STON2: variants seen among roughly 807,000 people sequenced by gnomAD.
STON2 encodes stonin 2, also known as stonin-2.
STON2 carries 29 observed loss-of-function variants against 65.7 expected under a neutral mutation model. That is an observed-to-expected ratio of 0.44 (90% CI 0.33 to 0.60). The LOEUF (loss-of-function observed/expected upper bound fraction) is 0.60, where lower values mean the gene tolerates loss of function less well. Among genes scored for constraint, STON2 ranks in the 20% least tolerant of loss-of-function variants. The pLI is 0.03. For synonymous variants in STON2, 404 were observed against 414.2 expected (o/e 0.98, Z 0.30); for missense variants, 1,054 against 1,118.1 (o/e 0.94, Z 0.82).
intron 5 of STON2, among the ~76,000 whole-genome samples, chr14:81,279,887 T>C (rs999166913): frequency 2.5e-4 from 38 of 152,306 alleles, no homozygotes; most frequent in African/African-American, 8.9e-4. Context: ...TTAGTAATTC[T>C]ACCCTAAGAA....
intron 4 of STON2, among the ~76,000 whole-genome samples, chr14:81,329,242 T>C (rs1218859489): frequency 6.6e-6 from 1 of 151,256 alleles, no homozygotes; most frequent in Non-Finnish European, 1.5e-5. Context: ...GATCACGAGG[T>C]CGGGAGATAG....
intron 1 of STON2, 21 bp from the exon 2 acceptor site, chr14:81,398,601 C>T: frequency 2.1e-6 from 1 of 472,562 alleles, no homozygotes; most frequent in Non-Finnish European, 3.7e-6. Flanking sequence ...AACAAACAAA[C>T]AAAAAATTAA....
intron 5 of STON2, among the ~76,000 whole-genome samples, chr14:81,280,936 G>C (rs1895087807): frequency 6.6e-6 from 1 of 151,580 alleles, no homozygotes; most frequent in Non-Finnish European, 1.5e-5. Flanking sequence ...GCTTGAACCT[G>C]GGAGACAGAG....
intron 4 of STON2, among the ~76,000 whole-genome samples, chr14:81,327,439 T>C (rs1897040718): frequency 6.6e-6 from 1 of 152,194 alleles, no homozygotes; most frequent in Non-Finnish European, 1.5e-5. Context: ...TTGGAATTTA[T>C]AGTTAGATTT....
intron 3 of STON2, among the ~76,000 whole-genome samples, chr14:81,373,853 GAATT>G (rs748835548): frequency 6.6e-6 from 1 of 152,034 alleles, no homozygotes; most frequent in African/African-American, 2.4e-5. Flanking sequence ...TATCTCCTGA[GAATT>G]AATAACCACA....
chr14:81,315,167 C>T (rs1301389972), intron 5 of STON2, among the ~76,000 whole-genome samples: 1 of 152,214 alleles, frequency 6.6e-6, no homozygotes, highest in African/African-American at 2.4e-5. Flanking sequence ...AGAGTTTTTA[C>T]TATCACTCTA....
upstream of STON2, among the ~76,000 whole-genome samples, chr14:81,403,666 C>T (rs144814926): frequency 1.2e-4 from 18 of 152,214 alleles, no homozygotes; most frequent in South Asian, 4.2e-4. Context: ...TGTTTACTGC[C>T]GGCTAGGTCC....
chr14:81,320,666 T>G (rs1048778713), intron 5 of STON2, among the ~76,000 whole-genome samples: 1 of 151,838 alleles, frequency 6.6e-6, no homozygotes, highest in African/African-American at 2.4e-5. Flanking sequence ...GCAATCTATT[T>G]ACTCTCAGCA....
At chr14:81,304,792 C>T (rs1896109497) in intron 5 of STON2, among the ~76,000 whole-genome samples, 1 of 152,118 alleles carries the variant, frequency 6.6e-6, no homozygotes, top group South Asian at 2.1e-4. Flanking sequence ...GTTACTTTAG[C>T]CTTTCTTGTT....
chr14:81,403,757 T>C (rs1411416756), upstream of STON2, among the ~76,000 whole-genome samples: 1 of 152,184 alleles, frequency 6.6e-6, no homozygotes, highest in Non-Finnish European at 1.5e-5. Flanking sequence ...TTGAATAGAC[T>C]TCTTTCCTGC....
At chr14:81,376,292 G>C (rs897400363) in intron 3 of STON2, among the ~76,000 whole-genome samples, 6 of 151,888 alleles carry the variant, frequency 4.0e-5, no homozygotes, top group Non-Finnish European at 5.9e-5. Context: ...GGAATGAAAA[G>C]TGTACACAAT....
intron 4 of STON2, among the ~76,000 whole-genome samples, chr14:81,358,923 T>C (rs1044299370): frequency 1.3e-5 from 2 of 152,126 alleles, no homozygotes; most frequent in Non-Finnish European, 2.9e-5. Flanking sequence ...GAAAGACATA[T>C]TGCAATACAA....
At chr14:81,319,506 G>A (rs1432154554) in intron 5 of STON2, among the ~76,000 whole-genome samples, 1 of 152,026 alleles carries the variant, frequency 6.6e-6, no homozygotes, top group African/African-American at 2.4e-5. Context: ...TTTGCTTTTG[G>A]CCAAAGGTGA....
At chr14:81,281,741 A>C (rs781440894) in intron 5 of STON2, among the ~76,000 whole-genome samples, 13 of 152,208 alleles carry the variant, frequency 8.5e-5, no homozygotes, top group Non-Finnish European at 1.8e-4. Context: ...TTTCAAACCA[A>C]GTTAGTTTAA....
chr14:81,308,824 A>ATATATATATGTG (rs1479394128), intron 5 of STON2, among the ~76,000 whole-genome samples: 2 of 10,466 alleles, frequency 1.9e-4, no homozygotes, highest in Non-Finnish European at 3.6e-4. Context: ...ATATATATAT[A>ATATATATATGTG]TGTGTGTGTG....
rs1291836147 is a variant in STON2 at position 81,264,721 on chromosome 14, C to T, written c.*3693G>A. On this transcript the variant is annotated 3_prime_UTR_variant, in exon 8 of 8. Coordinates refer to ENST00000614646, the MANE Select transcript of STON2 (RefSeq NM_001394390.1). ...GAACCCTGCCAATAATGCAGGAAGG[C>T]ACAGTAAGGGAAGAGCCAAATAGAA... The T allele has an allele frequency of 2.0e-6, 2 of 985,248 alleles. No homozygotes were observed. 61.0% of individuals were successfully genotyped at this position (985,248 alleles called of 1,614,324 possible).
At chr14:81,418,764 TATTA>T in intron 2 of STON2, among the ~76,000 whole-genome samples, 1 of 152,320 alleles carries the variant, frequency 6.6e-6, no homozygotes, top group East Asian at 1.9e-4. Flanking sequence ...TCCACAAATT[TATTA>T]ATTTGGGATT....
rs984923333 is a variant in STON2 at position 81,265,436 on chromosome 14, C to A, written c.*2978G>T. On this transcript the variant is annotated 3_prime_UTR_variant, in exon 8 of 8. Coordinates refer to ENST00000614646, the MANE Select transcript of STON2 (RefSeq NM_001394390.1). Reference sequence around the variant, plus strand: ...TTGGGAGACTGAGGCAGGCTTATCACCTGAGGTCAGACATTCGAGACCAGC... The same window carrying A: ...TTGGGAGACTGAGGCAGGCTTATCAACTGAGGTCAGACATTCGAGACCAGC... The A allele has an allele frequency of 1.8e-5, 14 of 767,812 alleles. No individual in the cohort carries two copies. The highest frequency in any genetic ancestry group is 2.2e-5 in the Non-Finnish European group (14 of 631,996). The allele number at this position is 767,812 out of a possible 1,614,324, so 47.6% of individuals were successfully genotyped here. A position where few individuals can be genotyped will look rare whatever the true frequency, so the allele number is the denominator to read the frequency against.
chr14:81,309,429 TTCTC>T (rs1336581057), intron 5 of STON2, among the ~76,000 whole-genome samples: 3 of 152,244 alleles, frequency 2.0e-5, no homozygotes, highest in Non-Finnish European at 2.9e-5. Flanking sequence ...TCCAAATACT[TTCTC>T]TATGCCTTCT....
Sources: gnomAD v4.1 joint callset for allele counts (sites outside exome capture counted in the v4.1 genomes callset) on GRCh38, gnomAD v4.1.1 for gene constraint, MANE v1.5 for transcripts, NCBI Gene and HGNC (gene_info 2026-07-23, HGNC 2026-07-21) for gene names.